THSD4: variants seen among roughly 807,000 people sequenced by gnomAD.
The protein encoded by THSD4 is thrombospondin type 1 domain containing 4.
In THSD4, 69 loss-of-function variants were observed where a neutral mutation model predicts 119.0. The observed-to-expected ratio is 0.58, with a 90% CI of 0.48 to 0.71. The LOEUF is 0.71. Ranked by LOEUF, THSD4 falls within the 30% of genes least tolerant of loss-of-function variation. The pLI, the probability that THSD4 is intolerant of heterozygous loss-of-function variation, is 0.00. For missense variants in THSD4, 1,393 were observed against 1,391.1 expected, an observed-to-expected ratio of 1.00 and a Z score of -0.02; for synonymous variants, 524 against 540.4, an observed-to-expected ratio of 0.97 and a Z score of 0.42.
At position 71,417,816 on chromosome 15, in the gene THSD4, A is replaced by G. The variant is rs1217510716; in HGVS notation, c.1152+5993A>G. Among the ~76,000 whole-genome samples, 7 of 108,420 alleles carry G rather than the reference A, an allele frequency of 6.5e-5. 2 individuals carry two copies. Among genetic ancestry groups the G allele is most frequent in the African/African-American group, 2.2e-4 (7 of 31,880 alleles). The allele number at this position is 108,420 out of a possible 152,430, so 71.1% of individuals were successfully genotyped here. A position where few individuals can be genotyped will look rare whatever the true frequency, so the allele number is the denominator to read the frequency against. On this transcript the variant is annotated intron_variant, in intron 7 of 17. Coordinates refer to ENST00000261862, the MANE Select transcript of THSD4 (RefSeq NM_024817.3). ...TGATAAGGATTACATTAAATCTGTA[A>G]TTCGCTTTGGTTTTATGGACATTTT...
chr15:71,749,750 C>T (rs991158399), intron 14 of THSD4, among the ~76,000 whole-genome samples: 1 of 65,556 alleles, frequency 1.5e-5, no homozygotes, highest in East Asian at 7.5e-4. Flanking sequence ...GACCGGGTCT[C>T]ATTCTATTGC....
intron 7 of THSD4, among the ~76,000 whole-genome samples, chr15:71,496,874 T>C (rs1035394725): frequency 2.0e-5 from 3 of 152,196 alleles, no homozygotes; most frequent in African/African-American, 7.2e-5. Context: ...GTAGCAGCCA[T>C]GCCACAGGGT....
At position 71,374,210 on chromosome 15, in the gene THSD4, G is replaced by T. The variant is rs533518115; in HGVS notation, c.1016-37477G>T. Among the ~76,000 whole-genome samples the T allele has an allele frequency of 8.8e-4, 134 of 152,226 alleles. 1 individual carries two copies. The highest frequency in any genetic ancestry group is 3.1e-3 in the African/African-American group (127 of 41,538). The stretch of plus-strand genomic sequence containing the variant: ...GGAGTGGTAGAAACTCTCAAATGGG[G>T]GATGCAGAGGGAAGTGTACCTTTCT... On this transcript the variant is annotated intron_variant, in intron 6 of 17. Transcript: ENST00000261862.
chr15:71,735,618 C>G (rs1274862122), intron 10 of THSD4, among the ~76,000 whole-genome samples: 2 of 151,346 alleles, frequency 1.3e-5, no homozygotes, highest in African/African-American at 4.8e-5. Context: ...CTCTCTTGCT[C>G]TCTGTTTCTC....
intron 6 of THSD4, among the ~76,000 whole-genome samples, chr15:71,257,177 T>C (rs2044327721): frequency 6.6e-6 from 1 of 152,008 alleles, no homozygotes; most frequent in African/African-American, 2.4e-5. Flanking sequence ...CCAAAGATAA[T>C]AGTAGGCAGG....
chr15:71,724,287 A>ATATATATATATTTTTTTTTT, intron 8 of THSD4, among the ~76,000 whole-genome samples: 4 of 37,288 alleles, frequency 1.1e-4, no homozygotes, highest in African/African-American at 2.7e-4. Flanking sequence ...ATATATATAT[A>ATATATATATATTTTTTTTTT]TTTTTTTTTT....
intron 17 of THSD4, among the ~76,000 whole-genome samples, chr15:71,774,175 G>A (rs150986550): frequency 2.4e-4 from 36 of 152,192 alleles, no homozygotes; most frequent in African/African-American, 8.4e-4. Context: ...GCCAGGTGTG[G>A]TGGCGCATGC....
intron 1 of THSD4, among the ~76,000 whole-genome samples, chr15:71,098,720 A>G (rs2040242179): frequency 6.6e-6 from 1 of 152,206 alleles, no homozygotes; most frequent in Non-Finnish European, 1.5e-5. Flanking sequence ...CTGATATATA[A>G]TATACTCATC....
intron 8 of THSD4, among the ~76,000 whole-genome samples, chr15:71,715,566 T>C (rs576928403): frequency 2.2e-3 from 339 of 152,078 alleles, no homozygotes; most frequent in African/African-American, 7.6e-3. Flanking sequence ...ACCAGGTAAT[T>C]AGAACAGAAT....
chr15:71,200,985 A>G (rs906599989), intron 3 of THSD4, among the ~76,000 whole-genome samples: 5 of 152,150 alleles, frequency 3.3e-5, no homozygotes, highest in African/African-American at 1.2e-4. Flanking sequence ...AATCATTCCC[A>G]TTATACTGAG....
At chr15:71,750,014 C>T (rs894934324) in intron 14 of THSD4, among the ~76,000 whole-genome samples, 2 of 152,212 alleles carry the variant, frequency 1.3e-5, no homozygotes, top group Non-Finnish European at 2.9e-5. Flanking sequence ...TAGGCATGAG[C>T]CACTGTGCCT....
chr15:71,386,977 C>T (rs1035344901), intron 6 of THSD4, among the ~76,000 whole-genome samples: 5 of 152,170 alleles, frequency 3.3e-5, no homozygotes, highest in African/African-American at 9.7e-5. Context: ...ACACTGCTTG[C>T]TACTTTAGGA....
At chr15:71,531,448 T>C (rs2140814177) in intron 7 of THSD4, among the ~76,000 whole-genome samples, 1 of 152,270 alleles carries the variant, frequency 6.6e-6, no homozygotes, top group East Asian at 1.9e-4. Context: ...TGAAAATGGA[T>C]AGAAGTGGGT....
intron 6 of THSD4, among the ~76,000 whole-genome samples, chr15:71,319,822 G>A (rs2045243269): frequency 6.6e-6 from 1 of 152,134 alleles, no homozygotes; most frequent in African/African-American, 2.4e-5. Flanking sequence ...TGTGAGTTTT[G>A]CTAGGCTATT....
chr15:71,579,332 A>G lies in THSD4; in HGVS notation c.1153-81198A>G, dbSNP rs567959151. Among the ~76,000 whole-genome samples the G allele has an allele frequency of 7.2e-4, 110 of 152,308 alleles. 1 individual carries two copies. The highest frequency in any genetic ancestry group is 1.4e-3 in the Non-Finnish European group (97 of 68,030). ...GGCCAGCTGTGTGTGAGCATTACCGAGAGCCAGAATGTCCTCCTGAGAAGG... is the reference window on the plus strand; with the variant it reads ...GGCCAGCTGTGTGTGAGCATTACCGGGAGCCAGAATGTCCTCCTGAGAAGG... On this transcript the variant is annotated intron_variant, in intron 7 of 17. Transcript: ENST00000261862.
chr15:71,252,806 A>G (rs2044274249), intron 5 of THSD4, among the ~76,000 whole-genome samples: 1 of 152,224 alleles, frequency 6.6e-6, no homozygotes, highest in African/African-American at 2.4e-5. Flanking sequence ...AATGAGCTGA[A>G]TATATGTAAA....
intron 15 of THSD4, among the ~76,000 whole-genome samples, chr15:71,760,513 T>C (rs933949462): frequency 3.9e-5 from 6 of 152,208 alleles, no homozygotes; most frequent in Non-Finnish European, 8.8e-5. Flanking sequence ...CAACTCTTAC[T>C]CATGAGAGTC....
At chr15:71,509,348 C>T (rs1042995798) in intron 7 of THSD4, among the ~76,000 whole-genome samples, 17 of 152,260 alleles carry the variant, frequency 1.1e-4, no homozygotes, top group Middle Eastern at 3.4e-3. Flanking sequence ...CAAGGGGAAC[C>T]GACTGCAAAC....
intron 7 of THSD4, among the ~76,000 whole-genome samples, chr15:71,493,062 A>C (rs2047947492): frequency 6.6e-6 from 1 of 152,244 alleles, no homozygotes. Flanking sequence ...GATACTTCAG[A>C]GCCATATGGT....
Sources: allele counts gnomAD v4.1 joint callset (sites outside exome capture counted in the v4.1 genomes callset), GRCh38; gene constraint gnomAD v4.1.1; transcripts MANE v1.5; gene names NCBI Gene and HGNC (gene_info 2026-07-23, HGNC 2026-07-21).